GRM7: variants seen among roughly 807,000 people sequenced by gnomAD.
GRM7 encodes the protein glutamate metabotropic receptor 7.
Under a neutral mutation model 84.5 loss-of-function variants are expected in GRM7, and 35 were observed. The ratio of observed to expected loss-of-function variants is 0.41; its 90% CI spans 0.32 to 0.55. The LOEUF (loss-of-function observed/expected upper bound fraction) is 0.55. Ranked by LOEUF, GRM7 falls within the 20% of genes least tolerant of loss-of-function variation. The pLI, the probability that GRM7 is intolerant of heterozygous loss-of-function variation, is 0.19. For missense variants in GRM7, 1,003 were observed against 1,194.6 expected, an observed-to-expected ratio of 0.84 and a Z score of 2.36; for synonymous variants, 487 against 455.1, an observed-to-expected ratio of 1.07 and a Z score of -0.89.
intron 1 of GRM7, among the ~76,000 whole-genome samples, chr3:7,029,044 C>CTAT (rs1696084954): frequency 6.6e-6 from 1 of 152,108 alleles, no homozygotes; most frequent in African/African-American, 2.4e-5. Flanking sequence ...TGGCTCATGC[C>CTAT]TATAATCCCA....
At chr3:6,942,704 A>G (rs949186673) in intron 1 of GRM7, among the ~76,000 whole-genome samples, 1 of 152,114 alleles carries the variant, frequency 6.6e-6, no homozygotes, top group Non-Finnish European at 1.5e-5. Context: ...ATTTGTGTAC[A>G]AGCTTTTGTG....
At chr3:7,153,766 C>G (rs1182779020) in intron 2 of GRM7, among the ~76,000 whole-genome samples, 2 of 151,786 alleles carry the variant, frequency 1.3e-5, no homozygotes, top group Admixed American at 1.3e-4. Flanking sequence ...ATAGCAGGTA[C>G]TATTTCAGGG....
At chr3:6,993,340 G>A (rs1263949297) in intron 1 of GRM7, among the ~76,000 whole-genome samples, 1 of 152,118 alleles carries the variant, frequency 6.6e-6, no homozygotes, top group Non-Finnish European at 1.5e-5. Flanking sequence ...CCTTCTTGGA[G>A]GTATCAAAAA....
chr3:7,223,112 CT>C (rs1312241873), intron 2 of GRM7, among the ~76,000 whole-genome samples: 1 of 151,762 alleles, frequency 6.6e-6, no homozygotes, highest in East Asian at 1.9e-4. Flanking sequence ...TATATAGGTG[CT>C]TTTTTTTCCC....
intron 2 of GRM7, among the ~76,000 whole-genome samples, chr3:7,155,819 C>T (rs539203396): frequency 6.6e-5 from 10 of 152,174 alleles, no homozygotes; most frequent in African/African-American, 2.2e-4. Context: ...TAATAGTAGC[C>T]GTCCCAAACA....
intron 4 of GRM7, among the ~76,000 whole-genome samples, chr3:7,362,257 AGGAGAAAC>A (rs1215643649): frequency 6.6e-6 from 1 of 152,036 alleles, no homozygotes; most frequent in Non-Finnish European, 1.5e-5. Context: ...CCAGTAAGAG[AGGAGAAAC>A]TAATGATAGT....
intron 4 of GRM7, among the ~76,000 whole-genome samples, chr3:7,324,351 T>C (rs1449684830): frequency 6.6e-6 from 1 of 152,190 alleles, no homozygotes; most frequent in Non-Finnish European, 1.5e-5. Context: ...ACTTATAATG[T>C]TGCAAGGTCC....
intron 5 of GRM7, among the ~76,000 whole-genome samples, chr3:7,425,284 C>T (rs751785797): frequency 1.3e-5 from 2 of 152,052 alleles, no homozygotes; most frequent in Non-Finnish European, 2.9e-5. Context: ...TAAAATAGGG[C>T]AGTATTTTCC....
At chr3:7,280,110 A>C (rs1354445926) in intron 2 of GRM7, among the ~76,000 whole-genome samples, 1 of 152,218 alleles carries the variant, frequency 6.6e-6, no homozygotes, top group Non-Finnish European at 1.5e-5. Flanking sequence ...TTAATTGAAA[A>C]GTCAGGGATA....
intron 1 of GRM7, among the ~76,000 whole-genome samples, chr3:7,075,496 A>G (rs1219376631): frequency 4.8e-4 from 66 of 138,586 alleles, no homozygotes; most frequent in Admixed American, 3.2e-3. Flanking sequence ...TGCTTCTCAG[A>G]TGTGTGTGTG....
chr3:7,083,283 C>T (rs542170771), intron 1 of GRM7, among the ~76,000 whole-genome samples: 1 of 152,250 alleles, frequency 6.6e-6, no homozygotes, highest in South Asian at 2.1e-4. Flanking sequence ...AAAAAGATTA[C>T]AGCTTGCTGA....
chr3:6,966,679 G>A (rs966822436), intron 1 of GRM7, among the ~76,000 whole-genome samples: 3 of 152,092 alleles, frequency 2.0e-5, no homozygotes, highest in Non-Finnish European at 2.9e-5. Context: ...TCCAAATGTT[G>A]CCATAATGAA....
chr3:7,079,612 A>G (rs1321191425), intron 1 of GRM7, among the ~76,000 whole-genome samples: 1 of 152,160 alleles, frequency 6.6e-6, no homozygotes, highest in East Asian at 1.9e-4. Flanking sequence ...CAGTAGTTGA[A>G]TAGAAGTATC....
chr3:7,516,408 T>C (rs1033787516), intron 7 of GRM7, among the ~76,000 whole-genome samples: 14 of 118,894 alleles, frequency 1.2e-4, no homozygotes, highest in Admixed American at 6.3e-4. Context: ...ACCTGGGAGG[T>C]GGAGCTTGCA....
At chr3:7,569,046 G>A (rs1694500826) in intron 7 of GRM7, among the ~76,000 whole-genome samples, 1 of 152,212 alleles carries the variant, frequency 6.6e-6, no homozygotes, top group Non-Finnish European at 1.5e-5. Context: ...GATGAAGCCA[G>A]CTGGGCTCCT....
At chr3:6,986,407 T>TGA (rs138768160) in intron 1 of GRM7, among the ~76,000 whole-genome samples, 28,238 of 151,932 alleles carry the variant, frequency 0.19, 3,110 homozygotes, top group African/African-American at 0.3. Context: ...AAATGAAAAA[T>TGA]AATGAACATT....
At chr3:7,280,494 G>A (rs905178524) in intron 2 of GRM7, among the ~76,000 whole-genome samples, 1 of 152,124 alleles carries the variant, frequency 6.6e-6, no homozygotes, top group East Asian at 1.9e-4. Context: ...TGTGACCCTA[G>A]GCAACATATG....
At chr3:7,685,866 G>T (rs924209605) in intron 9 of GRM7, among the ~76,000 whole-genome samples, 1 of 151,662 alleles carries the variant, frequency 6.6e-6, no homozygotes, top group African/African-American at 2.4e-5. Flanking sequence ...ACAAATAATG[G>T]TGCCTAGAAA....
rs1694849532 is a variant in GRM7, at chr3:6,863,895, A to G, written c.519+1988A>G. 6.6e-6 allele frequency among the ~76,000 whole-genome samples: 1 copy of G among 152,174 alleles called. No homozygotes were observed. Among genetic ancestry groups the G allele is most frequent in the Admixed American group, 6.5e-5 (1 of 15,278 alleles). Reference sequence around the variant, plus strand: ...GTCTGAAAAAAGAGTGAAATGTTAAAGTCAAGAAAGGGGTTACAGACTAGG... The same window carrying G: ...GTCTGAAAAAAGAGTGAAATGTTAAGGTCAAGAAAGGGGTTACAGACTAGG... On this transcript the variant is annotated intron_variant, in intron 1 of 9. Coordinates refer to ENST00000357716, the MANE Select transcript of GRM7 (RefSeq NM_000844.4). This position sits in a 1 kb window ranked among gnomAD's most constrained non-coding sequence, Gnocchi z 4.8.
Sources: allele counts gnomAD v4.1 joint callset (sites outside exome capture counted in the v4.1 genomes callset), GRCh38; gene constraint gnomAD v4.1.1; non-coding constraint Gnocchi (gnomAD v3.1); transcripts MANE v1.5; gene names NCBI Gene and HGNC (gene_info 2026-07-23, HGNC 2026-07-21).